Variants in ELMO1 observed in about 807,000 individuals in gnomAD.
The protein encoded by ELMO1 is engulfment and cell motility 1.
Under a neutral mutation model 98.9 loss-of-function variants are expected in ELMO1, and 26 were observed. The observed-to-expected ratio is 0.26, with a 90% CI of 0.19 to 0.36. The LOEUF is 0.36. Among genes scored for constraint, ELMO1 ranks in the 10% least tolerant of loss-of-function variants. The pLI, the probability that ELMO1 is intolerant of heterozygous loss-of-function variation, is 1.00. For missense variants in ELMO1, 627 were observed against 935.2 expected (o/e 0.67, Z 4.30); for synonymous variants, 346 against 346.0 (o/e 1.00, Z 0.00).
chr7:37,433,054 C>T (rs1335545481), intron 1 of ELMO1, among the ~76,000 whole-genome samples: 1 of 152,186 alleles, frequency 6.6e-6, no homozygotes, highest in Non-Finnish European at 1.5e-5. Context: ...TAGGGCATTG[C>T]ATGGCCGTGT....
intron 14 of ELMO1, among the ~76,000 whole-genome samples, chr7:37,129,711 T>A (rs910224016): frequency 5.3e-5 from 8 of 152,370 alleles, no homozygotes; most frequent in Non-Finnish European, 1.2e-4. Flanking sequence ...ATTTCCCACA[T>A]TTTATTTTTG....
chr7:36,904,982 G>C (rs1343730636), intron 16 of ELMO1, among the ~76,000 whole-genome samples: 1 of 152,218 alleles, frequency 6.6e-6, no homozygotes, highest in Non-Finnish European at 1.5e-5. Flanking sequence ...GTGTCTAATG[G>C]AGCCTGCCTC....
chr7:37,160,702 C>T (rs7788982), intron 13 of ELMO1, among the ~76,000 whole-genome samples: 10,535 of 152,210 alleles, frequency 0.069, 462 homozygotes, highest in South Asian at 0.2. Flanking sequence ...CTTGAGAGAA[C>T]AGGTGCCTGG....
chr7:37,112,328 GC>G (rs1785299072), intron 14 of ELMO1, among the ~76,000 whole-genome samples: 1 of 152,120 alleles, frequency 6.6e-6, no homozygotes, highest in African/African-American at 2.4e-5. Flanking sequence ...TGAAAGAGGA[GC>G]CTAAAGGGTG....
intron 14 of ELMO1, among the ~76,000 whole-genome samples, chr7:37,116,257 A>G (rs1785583545): frequency 6.6e-6 from 1 of 152,226 alleles, no homozygotes; most frequent in South Asian, 2.1e-4. Flanking sequence ...TGAGCTCTGC[A>G]CAGCTAAGGT....
chr7:37,158,893 G>A (rs1235826415), intron 13 of ELMO1, among the ~76,000 whole-genome samples: 2 of 152,140 alleles, frequency 1.3e-5, no homozygotes, highest in African/African-American at 4.8e-5. Context: ...AGCAAGACTT[G>A]GAACCAACCC....
intron 4 of ELMO1, among the ~76,000 whole-genome samples, chr7:37,311,312 T>G (rs1349986051): frequency 1.3e-5 from 2 of 152,178 alleles, no homozygotes; most frequent in East Asian, 3.9e-4. Context: ...ATTGGATTGT[T>G]TGGCCAGCTA....
chr7:37,268,487 G>T (rs534041226), intron 5 of ELMO1, among the ~76,000 whole-genome samples: 2 of 152,158 alleles, frequency 1.3e-5, no homozygotes, highest in Non-Finnish European at 2.9e-5. Context: ...TTTTAGTAGT[G>T]ATGGGGTTTT....
At chr7:36,909,312 T>C (rs1029610784) in intron 16 of ELMO1, among the ~76,000 whole-genome samples, 8 of 152,194 alleles carry the variant, frequency 5.3e-5, no homozygotes, top group Admixed American at 2.6e-4. Context: ...CTTCTGTTAT[T>C]ATTGTGATAA....
In ELMO1 at chr7:37,448,811, C is replaced by T. The variant is rs947455129; in HGVS notation, c.-210G>A. ...GCGGCGTGGGTGGCTCTGCCTCTATCCTGTGCCCATCCTCGCCCGCTCCCG... is the reference window on the plus strand; with the variant it reads ...GCGGCGTGGGTGGCTCTGCCTCTATTCTGTGCCCATCCTCGCCCGCTCCCG... On this transcript the variant is annotated 5_prime_UTR_variant, in exon 1 of 22. Transcript: ENST00000310758. 1.3e-5 allele frequency: 2 copies of T among 153,252 alleles called. No individual in the cohort carries two copies. Among genetic ancestry groups the T allele is most frequent in the African/African-American group, 4.8e-5 (2 of 41,476 alleles). 9.5% of individuals were successfully genotyped at this position (153,252 alleles called of 1,614,324 possible). A position where few individuals can be genotyped will look rare whatever the true frequency, so the allele number is the denominator to read the frequency against.
At chr7:37,089,748 G>A (rs1056027030) in intron 15 of ELMO1, among the ~76,000 whole-genome samples, 1 of 152,140 alleles carries the variant, frequency 6.6e-6, no homozygotes, top group Admixed American at 6.5e-5. Context: ...GCATCAGTAA[G>A]GACACTGCAG....
chr7:37,290,377 T>A (rs1797612624), intron 4 of ELMO1, among the ~76,000 whole-genome samples: 2 of 152,224 alleles, frequency 1.3e-5, no homozygotes, highest in South Asian at 4.1e-4. Flanking sequence ...TAGTCATATA[T>A]AATCATATTA....
At chr7:36,925,112 A>G (rs983675496) in intron 16 of ELMO1, among the ~76,000 whole-genome samples, 4 of 152,272 alleles carry the variant, frequency 2.6e-5, no homozygotes, top group African/African-American at 9.6e-5. Flanking sequence ...CAGAATGCCC[A>G]CAGTGCTGTG....
chr7:37,068,582 G>T (rs1224748040), intron 15 of ELMO1, among the ~76,000 whole-genome samples: 2 of 152,110 alleles, frequency 1.3e-5, no homozygotes, highest in Non-Finnish European at 2.9e-5. Flanking sequence ...TTTCATAAAA[G>T]AACAAAACAT....
chr7:36,974,273 G>A (rs1406508564), intron 16 of ELMO1, among the ~76,000 whole-genome samples: 2 of 152,228 alleles, frequency 1.3e-5, no homozygotes, highest in Admixed American at 6.5e-5. Context: ...TCAGCACCCT[G>A]TGTTTAGCTC....
intron 13 of ELMO1, among the ~76,000 whole-genome samples, chr7:37,163,241 G>C (rs1459123070): frequency 6.6e-6 from 1 of 151,914 alleles, no homozygotes; most frequent in African/African-American, 2.4e-5. Context: ...AGTTATTATG[G>C]GAAAATTTTT....
chr7:36,871,153 G>T (rs2129040625), intron 19 of ELMO1, among the ~76,000 whole-genome samples: 2 of 152,344 alleles, frequency 1.3e-5, no homozygotes, highest in East Asian at 3.8e-4. Flanking sequence ...TAGACAAAAT[G>T]ATGTTATCTC....
intron 17 of ELMO1, among the ~76,000 whole-genome samples, chr7:36,888,978 G>T (rs1051211944): frequency 6.6e-6 from 1 of 152,098 alleles, no homozygotes; most frequent in South Asian, 2.1e-4. Context: ...AAGTATTAAT[G>T]TCATCATTCC....
chr7:36,954,646 G>C (rs1002197512), intron 16 of ELMO1, among the ~76,000 whole-genome samples: 9 of 152,156 alleles, frequency 5.9e-5, no homozygotes, highest in African/African-American at 2.2e-4. Context: ...GCCTAGCAAA[G>C]GGTGCCTGCA....
Sources: gnomAD v4.1 joint callset for allele counts (sites outside exome capture counted in the v4.1 genomes callset) on GRCh38, gnomAD v4.1.1 for gene constraint, MANE v1.5 for transcripts, NCBI Gene and HGNC (gene_info 2026-07-23, HGNC 2026-07-21) for gene names.